Variants in DACH2 observed in about 807,000 individuals in gnomAD.
The protein encoded by DACH2 is dachshund homolog 2.
A neutral mutation model predicts 35.8 loss-of-function variants in DACH2; 17 were observed. The observed-to-expected ratio is 0.48, with a 90% CI of 0.33 to 0.71. The LOEUF is 0.71. Ranked by LOEUF, DACH2 falls within the 30% of genes least tolerant of loss-of-function variation. The pLI, the probability that DACH2 is intolerant of heterozygous loss-of-function variation, is 0.02. For missense variants in DACH2, 469 were observed against 472.7 expected (o/e 0.99, Z 0.07); for synonymous variants, 195 against 177.3 (o/e 1.10, Z -0.79).
chrX:86,637,218 A>C, intron 3 of DACH2, among the ~76,000 whole-genome samples: 1 of 66,963 alleles, frequency 1.5e-5, no homozygotes, highest in Admixed American at 1.7e-4. Flanking sequence ...AAAAAAAAAA[A>C]AAAAAAAAAA....
intron 3 of DACH2, among the ~76,000 whole-genome samples, chrX:86,538,975 T>A (rs750604742): frequency 6.9e-4 from 77 of 110,882 alleles, no homozygotes; most frequent in Non-Finnish European, 1.2e-3. Flanking sequence ...GCCAAATGTG[T>A]TTACCATAGA....
chrX:86,285,246 G>A (rs1047200449), intron 1 of DACH2, among the ~76,000 whole-genome samples: 1 of 111,052 alleles, frequency 9.0e-6, no homozygotes, highest in African/African-American at 3.3e-5. Flanking sequence ...TGCTTTTGTA[G>A]TTCTTTAAGA....
At chrX:86,721,185 A>T (rs906954954) in intron 6 of DACH2, among the ~76,000 whole-genome samples, 4 of 112,494 alleles carry the variant, frequency 3.6e-5, no homozygotes, top group African/African-American at 1.3e-4. Context: ...CTTGGTGATT[A>T]GCATTTGGCT....
intron 2 of DACH2, among the ~76,000 whole-genome samples, chrX:86,442,387 GTA>G (rs1491508378): frequency 5.3e-5 from 5 of 94,375 alleles, no homozygotes; most frequent in Admixed American, 1.2e-4. Flanking sequence ...GTGTGTGTGT[GTA>G]TGTTTTTTTT....
intron 1 of DACH2, among the ~76,000 whole-genome samples, chrX:86,325,721 T>A (rs920528031): frequency 2.7e-5 from 3 of 112,112 alleles, no homozygotes; most frequent in Non-Finnish European, 5.6e-5. Context: ...CATTTCCAAC[T>A]TTAGAAGTGC....
At chrX:86,203,279 T>C (rs182874312) in intron 1 of DACH2, among the ~76,000 whole-genome samples, 15 of 111,440 alleles carry the variant, frequency 1.3e-4, no homozygotes, top group African/African-American at 4.9e-4. Flanking sequence ...GAAGATTGCA[T>C]TTGTAAAAAT....
intron 1 of DACH2, among the ~76,000 whole-genome samples, chrX:86,317,828 G>T (rs923190290): frequency 9.0e-6 from 1 of 110,659 alleles, no homozygotes; most frequent in African/African-American, 3.3e-5. Context: ...AAGAGCGTGG[G>T]GTTCCTAGGC....
At chrX:86,262,883 C>A in intron 1 of DACH2, 1 of 380,572 alleles carries the variant, frequency 2.6e-6, no homozygotes, top group Non-Finnish European at 3.4e-6. Flanking sequence ...TCAGAAATAT[C>A]AATATGTCAC....
chrX:86,513,762 G>C (rs768595797), intron 2 of DACH2, among the ~76,000 whole-genome samples: 1 of 111,778 alleles, frequency 8.9e-6, no homozygotes, highest in Non-Finnish European at 1.9e-5. Context: ...ACCTACTGAG[G>C]GTGGTAACCC....
chrX:86,495,331 T>C (rs1056997808), intron 2 of DACH2, among the ~76,000 whole-genome samples: 1 of 110,386 alleles, frequency 9.1e-6, no homozygotes, highest in East Asian at 2.8e-4. Flanking sequence ...GTGCTGGGAT[T>C]ACAGAGGTGA....
intron 11 of DACH2, among the ~76,000 whole-genome samples, chrX:86,818,605 T>C (rs1196109809): frequency 9.0e-6 from 1 of 111,422 alleles, no homozygotes; most frequent in Non-Finnish European, 1.9e-5. Context: ...TGTTTTAATC[T>C]TTTCCATCTC....
intron 4 of DACH2, among the ~76,000 whole-genome samples, chrX:86,662,359 C>T (rs993222177): frequency 2.7e-5 from 3 of 111,323 alleles, no homozygotes; most frequent in Non-Finnish European, 3.8e-5. Context: ...TTTGGGAGGC[C>T]GAGGCGGGCA....
chrX:86,379,407 C>T (rs893164911), intron 2 of DACH2, among the ~76,000 whole-genome samples: 1 of 109,714 alleles, frequency 9.1e-6, no homozygotes, highest in Non-Finnish European at 1.9e-5. Context: ...TGCTACAATG[C>T]TTTTGACATC....
chrX:86,691,161 G>A (rs1569467902), intron 4 of DACH2, among the ~76,000 whole-genome samples: 1 of 111,343 alleles, frequency 9.0e-6, no homozygotes, highest in Non-Finnish European at 1.9e-5. Flanking sequence ...CCTCTTTACT[G>A]GAGGAATTCC....
At chrX:86,705,073 TATATATGTGAG>T (rs2041199292) in intron 5 of DACH2, among the ~76,000 whole-genome samples, 1 of 106,926 alleles carries the variant, frequency 9.4e-6, no homozygotes, top group African/African-American at 3.4e-5. Context: ...ATATCTCACA[TATATATGTGAG>T]ATATATATAA....
chrX:86,660,061 C>G (rs1478921941), intron 4 of DACH2, among the ~76,000 whole-genome samples: 1 of 111,045 alleles, frequency 9.0e-6, no homozygotes, highest in African/African-American at 3.3e-5. Flanking sequence ...GTTTTTCCTG[C>G]TTTTGGGATT....
chrX:86,210,020 G>A (rs887736757), intron 1 of DACH2, among the ~76,000 whole-genome samples: 43 of 111,289 alleles, frequency 3.9e-4, no homozygotes, highest in Admixed American at 1.8e-3. Flanking sequence ...TTATGATGGC[G>A]TAACGAAATA....
intron 5 of DACH2, among the ~76,000 whole-genome samples, chrX:86,713,826 T>A (rs1335759457): frequency 8.9e-6 from 1 of 111,888 alleles, no homozygotes; most frequent in Non-Finnish European, 1.9e-5. Flanking sequence ...TGGATAATAA[T>A]TGAGATATAT....
At chrX:86,761,252 T>C (rs1305327031) in intron 7 of DACH2, among the ~76,000 whole-genome samples, 1 of 110,682 alleles carries the variant, frequency 9.0e-6, no homozygotes, top group Non-Finnish European at 1.9e-5. Context: ...TGTCCATGTG[T>C]TCTCATTGTT....
Sources: allele counts gnomAD v4.1 joint callset (sites outside exome capture counted in the v4.1 genomes callset), GRCh38; gene constraint gnomAD v4.1.1; transcripts MANE v1.5; gene names NCBI Gene and HGNC (gene_info 2026-07-23, HGNC 2026-07-21).